SYNE1: variants seen among roughly 807,000 people sequenced by gnomAD.
The protein encoded by SYNE1 is spectrin repeat containing nuclear envelope protein 1.
In SYNE1, 616 loss-of-function variants were observed where a neutral mutation model predicts 1,111.0. The ratio of observed to expected loss-of-function variants is 0.55; its 90% CI spans 0.52 to 0.59. The LOEUF is 0.59. SYNE1 is among the 20% of genes least tolerant of loss of function. The probability of loss-of-function intolerance (pLI) is 0.00; values close to 1 mark genes in which losing one functional copy is unlikely to be tolerated. For missense variants in SYNE1, 10,006 were observed against 10,417.0 expected, an observed-to-expected ratio of 0.96 and a Z score of 1.72; for synonymous variants, 3,855 against 3,825.8, an observed-to-expected ratio of 1.01 and a Z score of -0.28.
At chr6:152,437,921 T>C (rs1260836660) in intron 32 of SYNE1, among the ~76,000 whole-genome samples, 2 of 152,170 alleles carry the variant, frequency 1.3e-5, no homozygotes, top group Admixed American at 6.5e-5. Flanking sequence ...AATGTTCTCA[T>C]AGAAATATCA....
chr6:152,534,170 AAATGAATG>A (rs770216813), intron 4 of SYNE1, among the ~76,000 whole-genome samples: 7,985 of 146,120 alleles, frequency 0.055, 293 homozygotes, highest in African/African-American at 0.11. Context: ...AAAAATAAAT[AAATGAATG>A]AATGAATGAA....
rs1364154283 is a variant in SYNE1 at position 152,156,101 on chromosome 6, C to T, written c.23791-4G>A. 1 of 1,614,126 alleles carries T rather than the reference C, an allele frequency of 6.2e-7. No homozygotes were observed. Among genetic ancestry groups the T allele is most frequent in the East Asian group, 2.2e-5 (1 of 44,876 alleles). On this transcript the variant is annotated splice_region_variant and splice_polypyrimidine_tract_variant and intron_variant, in intron 131 of 145. Coordinates refer to ENST00000367255, the MANE Select transcript of SYNE1 (RefSeq NM_182961.4). Reference sequence around the variant, plus strand: ...TCTCTATGTCTCTCTGAAGCTCCTGCAGGGGAACGTAACAGGCTTTATTCA... The same window carrying T: ...TCTCTATGTCTCTCTGAAGCTCCTGTAGGGGAACGTAACAGGCTTTATTCA...
chr6:152,126,531 T>C (rs2053518049), intron 145 of SYNE1: 1 of 152,196 alleles, frequency 6.6e-6, no homozygotes, highest in East Asian at 1.9e-4. Flanking sequence ...AAATTAAATG[T>C]GTGAGCCTCC....
In SYNE1 at chr6:152,442,127, C is replaced by T. The variant is rs754976994; in HGVS notation, c.3956G>A (p.Ser1319Asn). Reference protein sequence around the residue: ...RGHEELRKLESTLDGLERSRE... With the variant: ...RGHEELRKLENTLDGLERSRE... ...GCTGCGCTCCAGGCCATCCAGTGTG[C>T]TCTCCAGCTTCCGCAGCTCCTCGTG... The change falls in exon 31 of 146, where the codon AGC becomes AAC. Residue 1319 changes from serine (S) to asparagine (N), a missense_variant. By Grantham distance (46) the Ser-to-Asn change is conservative. This residue lies in a region of SYNE1 where 1,971 missense variants were observed against 2,084.1 expected (regional missense o/e 0.95). Coordinates refer to ENST00000367255, the MANE Select transcript of SYNE1 (RefSeq NM_182961.4). The T allele has an allele frequency of 1.9e-6, 3 of 1,614,056 alleles. No homozygotes were observed. The highest frequency in any genetic ancestry group is 2.5e-6 in the Non-Finnish European group (3 of 1,180,030).
At chr6:152,346,534 C>A (rs564733085) in intron 73 of SYNE1, among the ~76,000 whole-genome samples, 46 of 152,092 alleles carry the variant, frequency 3.0e-4, no homozygotes, top group Non-Finnish European at 5.4e-4. Flanking sequence ...AAAACAATAT[C>A]TGAAATTCGC....
At chr6:152,595,398 TTTG>T (rs1160611980) in intron 3 of SYNE1, among the ~76,000 whole-genome samples, 1 of 152,138 alleles carries the variant, frequency 6.6e-6, no homozygotes, top group African/African-American at 2.4e-5. Flanking sequence ...AACCTTTATG[TTTG>T]TTATTTACTC....
intron 3 of SYNE1, among the ~76,000 whole-genome samples, chr6:152,622,316 A>G (rs1583592906): frequency 6.6e-6 from 1 of 152,144 alleles, no homozygotes; most frequent in Admixed American, 6.6e-5. Flanking sequence ...GGTATGTTAC[A>G]TAGGTAAATT....
chr6:152,268,007 A>C (rs1419842103), intron 100 of SYNE1, 49 bp downstream of exon 100: 2 of 1,497,814 alleles, frequency 1.3e-6, no homozygotes, highest in Non-Finnish European at 1.9e-6. Context: ...TTTTCTTCAA[A>C]TGTCAGGGAA....
At chr6:152,170,734 C>T (rs1049998437) in intron 130 of SYNE1, among the ~76,000 whole-genome samples, 2 of 152,212 alleles carry the variant, frequency 1.3e-5, no homozygotes, top group South Asian at 2.1e-4. Context: ...TTTACCTCCA[C>T]AGCCTTTGAA....
intron 64 of SYNE1, among the ~76,000 whole-genome samples, chr6:152,361,786 G>A (rs921156539): frequency 6.7e-6 from 1 of 149,570 alleles, no homozygotes; most frequent in Non-Finnish European, 1.5e-5. Context: ...TTTCCATGTA[G>A]TACTGTACTA....
chr6:152,252,890 G>A (rs2089736158), intron 104 of SYNE1, among the ~76,000 whole-genome samples: 1 of 152,206 alleles, frequency 6.6e-6, no homozygotes, highest in African/African-American at 2.4e-5. Context: ...GAGCATTCAT[G>A]CCTAATTCAT....
chr6:152,167,747 C>A (rs1453895246), intron 130 of SYNE1: 1 of 543,626 alleles, frequency 1.8e-6, no homozygotes, highest in African/African-American at 1.9e-5. Context: ...TCATCAGAAG[C>A]CCATCCTTTA....
At chr6:152,390,999 A>C (rs2097608673) in intron 52 of SYNE1, among the ~76,000 whole-genome samples, 1 of 152,216 alleles carries the variant, frequency 6.6e-6, no homozygotes, top group Non-Finnish European at 1.5e-5. Context: ...TATTCCCAGC[A>C]ACTTGCAGAG....
At chr6:152,584,088 T>C (rs1419655141) in intron 3 of SYNE1, among the ~76,000 whole-genome samples, 1 of 152,198 alleles carries the variant, frequency 6.6e-6, no homozygotes, top group African/African-American at 2.4e-5. Context: ...CCTAGCTCTG[T>C]GATCTTTGGC....
In SYNE1 at chr6:152,262,424, T is replaced by C. The variant is rs549470173; in HGVS notation, c.18816-236A>G. 5.3e-5 allele frequency among the ~76,000 whole-genome samples: 8 copies of C among 152,298 alleles called. No individual in the cohort carries two copies. The South Asian group carries it at 8.3e-4, about 16-fold the overall frequency. ...TACTTAAAAATGCATTGAATAAAAA[T>C]AATTGTAACATTTGGAATAAAAAAT... On this transcript the variant is annotated intron_variant, in intron 100 of 145. Coordinates refer to ENST00000367255, the MANE Select transcript of SYNE1 (RefSeq NM_182961.4).
rs919348590 is a variant in SYNE1, at chr6:152,233,679, G to T, written c.20712+102C>A. 24 of 1,425,550 alleles carry T rather than the reference G, an allele frequency of 1.7e-5. No individual in the cohort carries two copies. In the African/African-American group the frequency reaches 3.0e-4, roughly 18 times the overall value. 88.3% of individuals were successfully genotyped at this position (1,425,550 alleles called of 1,614,324 possible). A position where few individuals can be genotyped will look rare whatever the true frequency, so the allele number is the denominator to read the frequency against. On this transcript the variant is annotated intron_variant, in intron 112 of 145. Transcript: ENST00000367255. ...GAGAGAGAAGAGGCCAGGTGTCTGGGACAAAGCTGATATAAATTTGTGAGC... is the reference window on the plus strand; with the variant it reads ...GAGAGAGAAGAGGCCAGGTGTCTGGTACAAAGCTGATATAAATTTGTGAGC...
rs375310499 is a variant in SYNE1 at position 152,436,138 on chromosome 6, A to T, written c.4150-37T>A. On this transcript the variant is annotated intron_variant, in intron 32 of 145. Transcript: ENST00000367255. ...ATTATGATCATTAGGTAGGCACTTT[A>T]TATTATTTATCTCTGCCCTCAAATA... is the stretch of plus-strand genomic sequence containing the variant. 19 of 1,607,388 alleles carry T rather than the reference A, an allele frequency of 1.2e-5. No individual in the cohort carries two copies. In the African/African-American group the frequency reaches 2.0e-4, roughly 17 times the overall value.
rs1384400002 is a variant in SYNE1, at chr6:152,145,525, T to C, written c.24977-1760A>G. 1.9e-6 allele frequency: 3 copies of C among 1,613,960 alleles called. No homozygotes were observed. The highest frequency in any genetic ancestry group is 2.5e-6 in the Non-Finnish European group (3 of 1,180,014). ...GATTGCATTTTCTGTGAGTTTTACATAGGCCTCAGGGCTTTCGGGGATCAT... is the reference window on the plus strand; with the variant it reads ...GATTGCATTTTCTGTGAGTTTTACACAGGCCTCAGGGCTTTCGGGGATCAT... On this transcript the variant is annotated intron_variant, in intron 137 of 145. Coordinates refer to ENST00000367255, the MANE Select transcript of SYNE1 (RefSeq NM_182961.4).
chr6:152,459,766 ATTCTTTGT>A (rs1011288843), intron 21 of SYNE1, among the ~76,000 whole-genome samples: 1 of 152,208 alleles, frequency 6.6e-6, no homozygotes, highest in Non-Finnish European at 1.5e-5. Context: ...TTAGTAAGCC[ATTCTTTGT>A]TTTTCATATA....
Sources: gnomAD v4.1 joint callset for allele counts (sites outside exome capture counted in the v4.1 genomes callset) on GRCh38, gnomAD v4.1.1 for gene constraint, gnomAD v4.1.1 regional missense constraint, MANE v1.5 for transcripts, NCBI Gene and HGNC (gene_info 2026-07-23, HGNC 2026-07-21) for gene names.